The following CORIN variants were observed in gnomAD, a reference collection of about 807,000 sequenced individuals.
CORIN encodes atrial natriuretic peptide-converting enzyme.
Under a neutral mutation model 125.3 loss-of-function variants are expected in CORIN, and 117 were observed. The observed-to-expected ratio is 0.93, with a 90% CI of 0.80 to 1.09. The LOEUF is 1.09. CORIN is among the 50% of genes least tolerant of loss of function. The probability of loss-of-function intolerance (pLI) is 0.00; values close to 1 mark genes in which losing one functional copy is unlikely to be tolerated. For missense variants in CORIN, 1,253 were observed against 1,306.7 expected (o/e 0.96, Z 0.63); for synonymous variants, 450 against 466.4 (o/e 0.96, Z 0.45).
At chr4:47,744,362 A>G (rs1728560166) in intron 5 of CORIN, 40 bp downstream of exon 5, 2 of 1,578,154 alleles carry the variant, frequency 1.3e-6, no homozygotes, top group Admixed American at 1.7e-5. Context: ...GCATACTCAA[A>G]TAAAATCTTC....
intron 20 of CORIN, among the ~76,000 whole-genome samples, chr4:47,602,357 A>G (rs1416704093): frequency 6.6e-6 from 1 of 152,246 alleles, no homozygotes; most frequent in Admixed American, 6.5e-5. Flanking sequence ...GGTTTAGAGT[A>G]AATACAGAGT....
At chr4:47,610,247 C>T (rs939871394) in intron 19 of CORIN, among the ~76,000 whole-genome samples, 4 of 152,182 alleles carry the variant, frequency 2.6e-5, no homozygotes, top group African/African-American at 9.7e-5. Flanking sequence ...CCTTTTTCTT[C>T]ACAGTCTTGC....
At chr4:47,780,611 A>G (rs1730496743) in intron 3 of CORIN, among the ~76,000 whole-genome samples, 1 of 152,072 alleles carries the variant, frequency 6.6e-6, no homozygotes, top group Admixed American at 6.6e-5. Context: ...ATTTTTTTTT[A>G]CTAGAGAGCA....
At chr4:47,643,833 A>G (rs77392421) in intron 14 of CORIN, among the ~76,000 whole-genome samples, 4,686 of 152,186 alleles carry the variant, frequency 0.031, 233 homozygotes, top group African/African-American at 0.11. Flanking sequence ...CCCACTTCCA[A>G]AGGAAGATCC....
Position 47,744,394 on chromosome 4 carries a change from A to G in CORIN, c.799+8T>C, listed in dbSNP as rs1458803843. On this transcript the variant is annotated splice_region_variant and intron_variant, in intron 5 of 21. Transcript: ENST00000273857. ...CTTCTAAAAATGAAATGAAACACAG[A>G]CACCTACATTGCTTTCCGTTTTCCT... The G allele has an allele frequency of 1.2e-6, 2 of 1,610,220 alleles. No individual in the cohort carries two copies. The highest frequency in any genetic ancestry group is 2.2e-5 in the South Asian group (2 of 90,412).
Position 47,611,176 on chromosome 4 carries a change from T to G in CORIN, c.2541-7508A>C, listed in dbSNP as rs536711114. 2.0e-5 allele frequency among the ~76,000 whole-genome samples: 3 copies of G among 152,344 alleles called. No homozygotes were observed. The South Asian group carries it at 6.2e-4, about 32-fold the overall frequency. On this transcript the variant is annotated intron_variant, in intron 19 of 21. Coordinates refer to ENST00000273857, the MANE Select transcript of CORIN (RefSeq NM_006587.4). ...TGGAAATAGCATTGAATCTATAAAT[T>G]ACTTTGAGCAGTATGGCCATTTTCA...
intron 19 of CORIN, among the ~76,000 whole-genome samples, chr4:47,621,486 G>A (rs1722306137): frequency 6.6e-6 from 1 of 152,198 alleles, no homozygotes; most frequent in Non-Finnish European, 1.5e-5. Context: ...TCTTCAGTGA[G>A]CATAATAAAT....
chr4:47,690,837 ACAC>A, intron 6 of CORIN, among the ~76,000 whole-genome samples: 1 of 152,340 alleles, frequency 6.6e-6, no homozygotes, highest in South Asian at 2.1e-4. Context: ...TCATGCTGAA[ACAC>A]CACAAGCATT....
chr4:47,804,570 C>T (rs931111765), intron 2 of CORIN, among the ~76,000 whole-genome samples: 1 of 151,868 alleles, frequency 6.6e-6, no homozygotes, highest in African/African-American at 2.4e-5. Context: ...ATGAATGGAA[C>T]TGGAGGTTAT....
At chr4:47,656,967 T>C (rs1303187853) in intron 12 of CORIN, among the ~76,000 whole-genome samples, 1 of 152,132 alleles carries the variant, frequency 6.6e-6, no homozygotes, top group Non-Finnish European at 1.5e-5. Flanking sequence ...CAAAAATTAG[T>C]AGCATTTCTA....
chr4:47,797,797 A>G (rs1289282357), intron 2 of CORIN, among the ~76,000 whole-genome samples: 2 of 152,150 alleles, frequency 1.3e-5, no homozygotes, highest in African/African-American at 2.4e-5. Flanking sequence ...TTTGACTTCC[A>G]TAACAATTCT....
chr4:47,600,261 G>A lies in CORIN; in HGVS notation c.2899C>T (p.Arg967Trp), dbSNP rs765779401. ...SYFDMKTITT[R>W]MICAGYESGT... ...GACTCATAGCCAGCACATATCATCCGAGTGGTGATGGTCTTCATGTCAAAG... is the reference window on the plus strand; with the variant it reads ...GACTCATAGCCAGCACATATCATCCAAGTGGTGATGGTCTTCATGTCAAAG... The change falls in exon 21 of 22, where the codon CGG becomes TGG. Residue 967 changes from arginine (R) to tryptophan (W), a missense_variant. Physicochemically the swap from Arg to Trp is moderately radical, Grantham distance 101 (BLOSUM62 -3). Coordinates refer to ENST00000273857, the MANE Select transcript of CORIN (RefSeq NM_006587.4). 5.3e-5 allele frequency: 86 copies of A among 1,613,758 alleles called. No individual in the cohort carries two copies. Among genetic ancestry groups the A allele is most frequent in the Admixed American group, 1.5e-4 (9 of 59,990 alleles).
At position 47,656,152 on chromosome 4, in the gene CORIN, ATTT is replaced by A. The variant is rs199763449; in HGVS notation, c.1736-2495_1736-2493del. Among the ~76,000 whole-genome samples the A allele has an allele frequency of 1.1e-3, 144 of 133,682 alleles. 1 individual carries two copies. Among genetic ancestry groups the A allele is most frequent in the East Asian group, 4.9e-3 (22 of 4,462 alleles). The allele number at this position is 133,682 out of a possible 152,430, so 87.7% of individuals were successfully genotyped here. Reference sequence around the variant, plus strand: ...AGGTCATTCATCATGACCATTTAGGATTTTTTTTTTTTTTTTTTTTGAGATGGA... The same window carrying A: ...AGGTCATTCATCATGACCATTTAGGATTTTTTTTTTTTTTTTTGAGATGGA... On this transcript the variant is annotated intron_variant, in intron 12 of 21. Transcript: ENST00000273857.
At chr4:47,758,904 G>A (rs896478480) in intron 4 of CORIN, among the ~76,000 whole-genome samples, 2 of 152,098 alleles carry the variant, frequency 1.3e-5, no homozygotes, top group Non-Finnish European at 2.9e-5. Context: ...AATCTCCTTC[G>A]TTTGTAAATT....
At chr4:47,815,949 T>C (rs1375992306) in intron 1 of CORIN, among the ~76,000 whole-genome samples, 1 of 152,164 alleles carries the variant, frequency 6.6e-6, no homozygotes, top group Non-Finnish European at 1.5e-5. Flanking sequence ...TTTGTGCAAA[T>C]CTTAGAAACT....
At chr4:47,622,362 C>A (rs868781227) in intron 19 of CORIN, among the ~76,000 whole-genome samples, 25 of 148,752 alleles carry the variant, frequency 1.7e-4, no homozygotes, top group South Asian at 6.6e-4. Context: ...TGGGTATATA[C>A]CCAGTAATGG....
rs774524666 is a variant in CORIN at position 47,661,839 on chromosome 4, G to T, written c.1607C>A (p.Ser536Tyr). The T allele has an allele frequency of 1.2e-6, 2 of 1,610,054 alleles. No homozygotes were observed. The highest frequency in any genetic ancestry group is 1.7e-6 in the Non-Finnish European group (2 of 1,177,584). The change falls in exon 12 of 22, where the codon TCT becomes TAT. Residue 536 changes from serine to tyrosine, a missense_variant. Physicochemically the swap from Ser to Tyr is moderately radical, Grantham distance 144. Transcript: ENST00000273857. Reference protein sequence around the residue: ...IPPCRALCEHSKERCESVLGI... With the variant: ...IPPCRALCEHYKERCESVLGI... ...AAGAACAGACTCACAGCGTTCTTTA[G>T]AGTGTTCACACAATGCCCTAGATGA... is the stretch of plus-strand genomic sequence containing the variant.
At chr4:47,832,440 CTTTTCTTTTT>C (rs1459674072) in intron 1 of CORIN, among the ~76,000 whole-genome samples, 2 of 129,336 alleles carry the variant, frequency 1.5e-5, no homozygotes, top group African/African-American at 5.7e-5. Flanking sequence ...TCTTTCTTTT[CTTTTCTTTTT>C]TTTTTTTTTT....
chr4:47,800,262 A>C (rs1428049245), intron 2 of CORIN, among the ~76,000 whole-genome samples: 2 of 151,826 alleles, frequency 1.3e-5, no homozygotes, highest in Non-Finnish European at 2.9e-5. Context: ...AATAAGAATA[A>C]ATTATTAATT....
Sources: allele counts gnomAD v4.1 joint callset (sites outside exome capture counted in the v4.1 genomes callset), GRCh38; gene constraint gnomAD v4.1.1; transcripts MANE v1.5; gene names NCBI Gene and HGNC (gene_info 2026-07-23, HGNC 2026-07-21).